NIPAL3: variants seen among roughly 807,000 people sequenced by gnomAD.
NIPAL3 encodes NIPA like domain containing 3.
In NIPAL3, 41 loss-of-function variants were observed where a neutral mutation model predicts 47.2. The ratio of observed to expected loss-of-function variants is 0.87; its 90% confidence interval spans 0.68 to 1.13. NIPAL3 has a LOEUF of 1.13. Ranked by LOEUF, NIPAL3 falls within the 50% of genes most tolerant of loss-of-function variation. The probability of loss-of-function intolerance (pLI) is 0.00; values close to 1 mark genes in which losing one functional copy is unlikely to be tolerated. For synonymous variants in NIPAL3, 194 were observed against 209.6 expected, an observed-to-expected ratio of 0.93 and a Z score of 0.64; for missense variants, 449 against 530.1, an observed-to-expected ratio of 0.85 and a Z score of 1.50.
At chr1:24,429,354 C>CG (rs71032812) in intron 2 of NIPAL3, among the ~76,000 whole-genome samples, 3 of 152,352 alleles carry the variant, frequency 2.0e-5, no homozygotes, top group Middle Eastern at 3.4e-3. Context: ...CAAATTTAAA[C>CG]TTGGCATTTT....
chr1:24,456,443 C>T (rs889352419), intron 8 of NIPAL3, among the ~76,000 whole-genome samples, 170 bp downstream of exon 8: 3 of 152,148 alleles, frequency 2.0e-5, no homozygotes, highest in Non-Finnish European at 4.4e-5. Flanking sequence ...CCTGGAGGGA[C>T]ACCTGCCACT....
rs1646345121 is a variant in NIPAL3 at position 24,458,919 on chromosome 1, T to G, written c.805T>G (p.Ser269Ala). ...GAGTCAAGCCTCACAGATGTACGACTCCTCTTTGATTGCCAGTGTGGGCTA... is the reference window on the plus strand; with the variant it reads ...GAGTCAAGCCTCACAGATGTACGACGCCTCTTTGATTGCCAGTGTGGGCTA... Reference protein sequence around the residue: ...FLSQASQMYDSSLIASVGYIL... With the variant: ...FLSQASQMYDASLIASVGYIL... Residue 269 changes from serine (S) to alanine (A), a missense_variant, in exon 9 of 12, where the codon TCC becomes GCC. Ser to Ala is a moderately conservative substitution (Grantham distance 99). Coordinates refer to ENST00000374399, the MANE Select transcript of NIPAL3 (RefSeq NM_020448.5). 5.0e-6 allele frequency: 8 copies of G among 1,614,132 alleles called. No homozygotes were observed. The highest frequency in any genetic ancestry group is 6.8e-6 in the Non-Finnish European group (8 of 1,179,996).
At chr1:24,464,373 A>G (rs924811866) in intron 11 of NIPAL3, 3 of 276,882 alleles carry the variant, frequency 1.1e-5, no homozygotes, top group Non-Finnish European at 2.0e-5. Flanking sequence ...ATTCATACTC[A>G]ATATAATTAG....
At chr1:24,429,270 G>C (rs1016546606) in intron 2 of NIPAL3, among the ~76,000 whole-genome samples, 1 of 152,066 alleles carries the variant, frequency 6.6e-6, no homozygotes, top group East Asian at 1.9e-4. Flanking sequence ...AAATTAGCTG[G>C]GCATGGTGGC....
At chr1:24,447,464 A>G (rs538160632) in intron 5 of NIPAL3, among the ~76,000 whole-genome samples, 11 of 152,306 alleles carry the variant, frequency 7.2e-5, no homozygotes, top group African/African-American at 2.6e-4. Context: ...TGTTGTGGAT[A>G]TACAGCCAAG....
At position 24,425,387 on chromosome 1, in the gene NIPAL3, T is replaced by C. The variant is rs143333535; in HGVS notation, c.93+5747T>C. On this transcript the variant is annotated intron_variant, in intron 2 of 11. Transcript: ENST00000374399. ...TTTTATGTGTTACCCAAGACAATTCTTCTTCCAATGTGGCCCAGGGAAGCC... is the reference window on the plus strand; with the variant it reads ...TTTTATGTGTTACCCAAGACAATTCCTCTTCCAATGTGGCCCAGGGAAGCC... Among the ~76,000 whole-genome samples, 97 of 152,308 alleles carry C rather than the reference T, an allele frequency of 6.4e-4. 1 individual carries two copies. In the East Asian group the frequency reaches 0.013, roughly 21 times the overall value.
chr1:24,465,991 T>A (rs753864550), intron 11 of NIPAL3: 2 of 1,607,966 alleles, frequency 1.2e-6, no homozygotes, highest in South Asian at 2.2e-5. Flanking sequence ...GATCTTGCCT[T>A]TTGTCTACCT....
At chr1:24,440,026 C>T (rs1364421560) in intron 2 of NIPAL3, 146 bp from the exon 3 acceptor site, 3 of 483,882 alleles carry the variant, frequency 6.2e-6, no homozygotes, top group African/African-American at 6.0e-5. Context: ...AGTAACATTC[C>T]AGTTGTGGGT....
intron 2 of NIPAL3, among the ~76,000 whole-genome samples, chr1:24,432,551 A>G (rs1359688410): frequency 6.6e-6 from 1 of 152,198 alleles, no homozygotes; most frequent in Non-Finnish European, 1.5e-5. Flanking sequence ...CAGGCCTGTT[A>G]TAGAGCTTTA....
intron 10 of NIPAL3, 85 bp from the exon 11 acceptor site, chr1:24,463,941 C>G (rs1646587240): frequency 3.3e-6 from 4 of 1,202,082 alleles, no homozygotes; most frequent in African/African-American, 1.5e-5. Flanking sequence ...CTTTTTACCT[C>G]TTTCCATCAC....
chr1:24,461,968 C>T (rs1237404228), intron 10 of NIPAL3, among the ~76,000 whole-genome samples: 1 of 152,034 alleles, frequency 6.6e-6, no homozygotes, highest in Non-Finnish European at 1.5e-5. Context: ...TCTCATGTTG[C>T]TAATAAAGAC....
rs56082168 is a variant in NIPAL3, at chr1:24,428,258, A to AAGAGAGAGAGAGAGAGAGAG, written c.93+8644_93+8663dup. 3.5e-3 allele frequency among the ~76,000 whole-genome samples: 422 copies of AAGAGAGAGAGAGAGAGAGAG among 119,346 alleles called. 2 individuals carry two copies. The highest frequency in any genetic ancestry group is 5.1e-3 in the Non-Finnish European group (289 of 57,150). 78.3% of individuals were successfully genotyped at this position (119,346 alleles called of 152,430 possible). On this transcript the variant is annotated intron_variant, in intron 2 of 11. Transcript: ENST00000374399. The stretch of plus-strand genomic sequence containing the variant: ...AGAGCGAGACCCTGTCTCAAAAAGA[A>AAGAGAGAGAGAGAGAGAGAG]AGAGAGAGAGAGAGAGAGAGAGAGA...
intron 4 of NIPAL3, among the ~76,000 whole-genome samples, chr1:24,442,583 T>C (rs1645448586): frequency 6.6e-6 from 1 of 152,166 alleles, no homozygotes; most frequent in African/African-American, 2.4e-5. Flanking sequence ...AGAAGGCTTA[T>C]TAGAATTGCT....
chr1:24,469,349 C>G lies in NIPAL3; in HGVS notation c.*164C>G. On this transcript the variant is annotated 3_prime_UTR_variant, in exon 12 of 12. Transcript: ENST00000374399. ...CTGGGAAAGGATGCGTTATCTTGGT[C>G]TTGGAAATTTCAAATGATGAGGGTT... 1 of 616,860 alleles carries G rather than the reference C, an allele frequency of 1.6e-6. No homozygotes were observed. The highest frequency in any genetic ancestry group is 2.8e-6 in the Non-Finnish European group (1 of 360,704). The allele number at this position is 616,860 out of a possible 1,614,324, so 38.2% of individuals were successfully genotyped here. A position where few individuals can be genotyped will look rare whatever the true frequency, so the allele number is the denominator to read the frequency against.
chr1:24,451,930 G>A lies in NIPAL3; in HGVS notation c.541-1478G>A, dbSNP rs982261998. Among the ~76,000 whole-genome samples the A allele has an allele frequency of 1.3e-5, 2 of 152,140 alleles. No homozygotes were observed. Among genetic ancestry groups the A allele is most frequent in the African/African-American group, 2.4e-5 (1 of 41,434 alleles). On this transcript the variant is annotated intron_variant, in intron 6 of 11. Transcript: ENST00000374399. This position sits in a 1 kb window ranked among gnomAD's most constrained non-coding sequence, Gnocchi z 4.5. ...CGTGCATTGACTATAATGACAACTCGTTAAAATATGGATTCACTGGAACAA... is the reference window on the plus strand; with the variant it reads ...CGTGCATTGACTATAATGACAACTCATTAAAATATGGATTCACTGGAACAA...
intron 1 of NIPAL3, among the ~76,000 whole-genome samples, chr1:24,418,454 A>G (rs1191477892): frequency 6.6e-6 from 1 of 151,942 alleles, no homozygotes; most frequent in Admixed American, 6.6e-5. Context: ...ACATGGCGAA[A>G]CCCTGTCTCT....
chr1:24,461,696 G>A (rs773957340), intron 10 of NIPAL3, among the ~76,000 whole-genome samples: 9 of 151,072 alleles, frequency 6.0e-5, no homozygotes, highest in South Asian at 2.1e-4. Context: ...CTGAAACCCC[G>A]TCTGTACTAA....
rs940985742 is a variant in NIPAL3 at position 24,420,569 on chromosome 1, A to G, written c.93+929A>G. Among the ~76,000 whole-genome samples the G allele has an allele frequency of 2.4e-4, 36 of 152,166 alleles. 1 individual carries two copies. The highest frequency in any genetic ancestry group is 8.2e-4 in the African/African-American group (34 of 41,438). On this transcript the variant is annotated intron_variant, in intron 2 of 11. Coordinates refer to ENST00000374399, the MANE Select transcript of NIPAL3 (RefSeq NM_020448.5). ...TCACCTACTCCATTACTTGGAGATA[A>G]TTTTCATTCGGATTTCAGTATATCT...
At position 24,419,324 on chromosome 1, in the gene NIPAL3, T is replaced by C; in HGVS notation, c.-224T>C. 2.4e-6 allele frequency: 3 copies of C among 1,256,466 alleles called. No homozygotes were observed. In the South Asian group the frequency reaches 7.6e-5, roughly 32 times the overall value. 77.8% of individuals were successfully genotyped at this position (1,256,466 alleles called of 1,614,324 possible). A position where few individuals can be genotyped will look rare whatever the true frequency, so the allele number is the denominator to read the frequency against. ...AAGAACTGGAAAACACACCCCTCTCTGTCTGCCTGGGAGAGCCACGGAAAT... is the reference window on the plus strand; with the variant it reads ...AAGAACTGGAAAACACACCCCTCTCCGTCTGCCTGGGAGAGCCACGGAAAT... On this transcript the variant is annotated 5_prime_UTR_variant, in exon 2 of 12. Transcript: ENST00000374399.
Sources: allele counts gnomAD v4.1 joint callset (sites outside exome capture counted in the v4.1 genomes callset), GRCh38; gene constraint gnomAD v4.1.1; non-coding constraint Gnocchi (gnomAD v3.1); transcripts MANE v1.5; gene names NCBI Gene and HGNC (gene_info 2026-07-23, HGNC 2026-07-21).